LRRC40: variants seen among roughly 807,000 people sequenced by gnomAD.
The protein encoded by LRRC40 is leucine rich repeat containing 40, also known as leucine-rich repeat-containing protein 40.
In LRRC40, 76 loss-of-function variants were observed where a neutral mutation model predicts 72.8. The ratio of observed to expected loss-of-function variants is 1.04; its 90% confidence interval spans 0.87 to 1.26. The LOEUF is 1.26. LRRC40 is among the 50% of genes most tolerant of loss of function. LRRC40 has a pLI of 0.00. For synonymous variants in LRRC40, 243 were observed against 254.2 expected (o/e 0.96, Z 0.42); for missense variants, 684 against 698.9 (o/e 0.98, Z 0.24).
rs773947092 is a variant in LRRC40, at chr1:70,152,509, C to G, written c.1363G>C (p.Asp455His). 2.5e-6 allele frequency: 4 copies of G among 1,605,398 alleles called. No homozygotes were observed. Reference protein sequence around the residue: ...VELKEMVSDVDLSFNKLSFIS... With the variant: ...VELKEMVSDVHLSFNKLSFIS... The stretch of plus-strand genomic sequence containing the variant: ...AAGGAAAGTTTATTAAAACTGAGAT[C>G]GACATCAGAAACCATTTCCTTCAGT... Residue 455 changes from aspartate (D) to histidine (H), a missense_variant, in exon 12 of 15, where the codon GAT becomes CAT. By Grantham distance (81) the Asp-to-His change is moderately conservative. Coordinates refer to ENST00000370952, the MANE Select transcript of LRRC40 (RefSeq NM_017768.5).
chr1:70,205,265 G>A (rs1047015762), intron 1 of LRRC40, 125 bp downstream of exon 1: 52 of 910,800 alleles, frequency 5.7e-5, no homozygotes, highest in Non-Finnish European at 7.8e-5. Context: ...GATTAGATTA[G>A]AGCACAGAAA....
At chr1:70,184,707 C>A in intron 4 of LRRC40, 78 bp downstream of exon 4, 1 of 1,332,286 alleles carries the variant, frequency 7.5e-7, no homozygotes, top group Admixed American at 2.4e-5. Flanking sequence ...CAGTTTCAAT[C>A]ATCTATCTTA....
At chr1:70,149,244 C>T (rs1281237038) in intron 13 of LRRC40, among the ~76,000 whole-genome samples, 2 of 152,144 alleles carry the variant, frequency 1.3e-5, no homozygotes, top group East Asian at 1.9e-4. Flanking sequence ...CTGAGGACCC[C>T]GCAGGGCACA....
Position 70,173,519 on chromosome 1 carries a change from G to A in LRRC40, c.1066-9C>T, listed in dbSNP as rs748485163. 5 of 1,604,054 alleles carry A rather than the reference G, an allele frequency of 3.1e-6. No individual in the cohort carries two copies. Among genetic ancestry groups the A allele is most frequent in the Non-Finnish European group, 4.3e-6 (5 of 1,171,814 alleles). The stretch of plus-strand genomic sequence containing the variant: ...ACTTCTTGTGTTCCTTTCTAGAAGG[G>A]TGGAGACAAAGACATTCACCAAGAC... On this transcript the variant is annotated splice_polypyrimidine_tract_variant and intron_variant, in intron 8 of 14. Coordinates refer to ENST00000370952, the MANE Select transcript of LRRC40 (RefSeq NM_017768.5).
Position 70,196,342 on chromosome 1 carries a change from A to G in LRRC40, c.152-7069T>C, listed in dbSNP as rs115314035. On this transcript the variant is annotated intron_variant, in intron 1 of 14. Coordinates refer to ENST00000370952, the MANE Select transcript of LRRC40 (RefSeq NM_017768.5). ...TAGCAGGAGGATCATTTGAGCCCAG[A>G]AGTTTGAGACCAACCTGGGAAAAAG... Among the ~76,000 whole-genome samples, 384 of 152,270 alleles carry G rather than the reference A, an allele frequency of 2.5e-3. 1 individual carries two copies. The highest frequency in any genetic ancestry group is 8.6e-3 in the African/African-American group (359 of 41,562).
At chr1:70,170,230 C>T (rs956610075) in intron 9 of LRRC40, among the ~76,000 whole-genome samples, 5 of 152,006 alleles carry the variant, frequency 3.3e-5, no homozygotes, top group Non-Finnish European at 2.9e-5. Context: ...ACTCAAAAAC[C>T]AGAAAGAGAA....
intron 6 of LRRC40, among the ~76,000 whole-genome samples, chr1:70,178,084 T>G (rs1375239432): frequency 6.6e-6 from 1 of 152,232 alleles, no homozygotes; most frequent in Non-Finnish European, 1.5e-5. Flanking sequence ...TTCATGTTAT[T>G]GGTAAGGCTT....
At chr1:70,184,430 G>A (rs1247709924) in intron 4 of LRRC40, among the ~76,000 whole-genome samples, 8 of 151,924 alleles carry the variant, frequency 5.3e-5, no homozygotes, top group East Asian at 2.0e-4. Context: ...CAGAAGGGCC[G>A]CAGGTAATAT....
In LRRC40 at chr1:70,144,986, A is replaced by C. The variant is rs1291700373; in HGVS notation, c.*814T>G. ...TCATATGGTAAGTGTTATAATGACTAATCAACCTACTTCTGATAATTTTGG... is the reference window on the plus strand; with the variant it reads ...TCATATGGTAAGTGTTATAATGACTCATCAACCTACTTCTGATAATTTTGG... On this transcript the variant is annotated 3_prime_UTR_variant, in exon 15 of 15. Transcript: ENST00000370952. 1.3e-5 allele frequency: 2 copies of C among 152,170 alleles called. No individual in the cohort carries two copies. Among genetic ancestry groups the C allele is most frequent in the African/African-American group, 2.4e-5 (1 of 41,444 alleles). 9.4% of individuals were successfully genotyped at this position (152,170 alleles called of 1,614,324 possible).
At chr1:70,191,740 T>C (rs1274468357) in intron 1 of LRRC40, among the ~76,000 whole-genome samples, 1 of 152,178 alleles carries the variant, frequency 6.6e-6, no homozygotes, top group Non-Finnish European at 1.5e-5. Context: ...TGTGGAGCTA[T>C]CCTACAAGTA....
intron 9 of LRRC40, among the ~76,000 whole-genome samples, chr1:70,160,544 T>C (rs888974201): frequency 6.6e-6 from 1 of 152,142 alleles, no homozygotes; most frequent in South Asian, 2.1e-4. Flanking sequence ...TAAGTTACTT[T>C]AAATAATATG....
chr1:70,152,621 G>T, intron 11 of LRRC40, 78 bp from the exon 12 acceptor site: 1 of 738,494 alleles, frequency 1.4e-6, no homozygotes, highest in South Asian at 1.6e-5. Flanking sequence ...GATCAAAGGG[G>T]GAAATTCCTA....
At chr1:70,168,351 A>G (rs1667931852) in intron 9 of LRRC40, among the ~76,000 whole-genome samples, 2 of 152,194 alleles carry the variant, frequency 1.3e-5, no homozygotes, top group Non-Finnish European at 2.9e-5. Flanking sequence ...GTTCAAAGAA[A>G]GGAGAGGCAA....
chr1:70,147,567 A>G (rs1315154586), intron 14 of LRRC40, among the ~76,000 whole-genome samples: 1 of 152,180 alleles, frequency 6.6e-6, no homozygotes, highest in Non-Finnish European at 1.5e-5. Context: ...GACTCTTGCA[A>G]GAACCTAACC....
Position 70,145,226 on chromosome 1 carries a change from ATT to A in LRRC40, c.*572_*573del, listed in dbSNP as rs1177600597. ...TAATGAAAAGTCTTATTTTTAATATATTTTTGTTTCCTTTTTCTTTTGACATG... is the reference window on the plus strand; with the variant it reads ...TAATGAAAAGTCTTATTTTTAATATATTTGTTTCCTTTTTCTTTTGACATG... On this transcript the variant is annotated 3_prime_UTR_variant, in exon 15 of 15. Coordinates refer to ENST00000370952, the MANE Select transcript of LRRC40 (RefSeq NM_017768.5). The A allele has an allele frequency of 1.3e-5, 2 of 152,152 alleles. No individual in the cohort carries two copies. Among genetic ancestry groups the A allele is most frequent in the Non-Finnish European group, 2.9e-5 (2 of 68,000 alleles). The allele number at this position is 152,152 out of a possible 1,614,324, so 9.4% of individuals were successfully genotyped here. A position where few individuals can be genotyped will look rare whatever the true frequency, so the allele number is the denominator to read the frequency against.
At chr1:70,169,251 C>A (rs935702484) in intron 9 of LRRC40, among the ~76,000 whole-genome samples, 1 of 152,218 alleles carries the variant, frequency 6.6e-6, no homozygotes, top group Admixed American at 6.5e-5. Flanking sequence ...CCTCCAGCAC[C>A]TGCCTCTTGG....
chr1:70,175,097 A>C (rs1380431447), intron 7 of LRRC40, among the ~76,000 whole-genome samples: 1 of 150,776 alleles, frequency 6.6e-6, no homozygotes, highest in African/African-American at 2.4e-5. Flanking sequence ...ACTATTAGGC[A>C]AAAAAAAAGC....
intron 2 of LRRC40, among the ~76,000 whole-genome samples, chr1:70,188,716 T>C (rs1042181617): frequency 3.9e-5 from 6 of 152,104 alleles, no homozygotes; most frequent in African/African-American, 7.2e-5. Flanking sequence ...CTGTGCAAAA[T>C]AGTAATAAGA....
chr1:70,175,605 A>G (rs1269857325), intron 7 of LRRC40, among the ~76,000 whole-genome samples: 1 of 152,184 alleles, frequency 6.6e-6, no homozygotes, highest in Non-Finnish European at 1.5e-5. Flanking sequence ...TAAGTCATAA[A>G]TATGTCTGCT....
Sources: gnomAD v4.1 joint callset for allele counts (sites outside exome capture counted in the v4.1 genomes callset) on GRCh38, gnomAD v4.1.1 for gene constraint, MANE v1.5 for transcripts, NCBI Gene and HGNC (gene_info 2026-07-23, HGNC 2026-07-21) for gene names.